The following GALNT2 variants were observed in gnomAD, a reference collection of about 807,000 sequenced individuals.
GALNT2 encodes the protein UDP-GalNAc:polypeptide N-acetylgalactosaminyltransferase 2.
Under a neutral mutation model 81.4 loss-of-function variants are expected in GALNT2, and 31 were observed. The observed-to-expected ratio is 0.38, with a 90% CI of 0.29 to 0.51. GALNT2 has a LOEUF of 0.51. GALNT2 is among the 20% of genes least tolerant of loss of function. The pLI is 0.87. For missense variants in GALNT2, 629 were observed against 765.7 expected, an observed-to-expected ratio of 0.82 and a Z score of 2.11; for synonymous variants, 303 against 287.4, an observed-to-expected ratio of 1.05 and a Z score of -0.55.
intron 14 of GALNT2, among the ~76,000 whole-genome samples, chr1:230,270,128 G>C (rs761320742): frequency 3.3e-5 from 5 of 152,110 alleles, no homozygotes; most frequent in Non-Finnish European, 7.4e-5. Flanking sequence ...TTGAACCCGG[G>C]AGGTGGAGGT....
chr1:230,075,228 C>T (rs533189941), intron 1 of GALNT2, among the ~76,000 whole-genome samples: 14 of 142,546 alleles, frequency 9.8e-5, no homozygotes, highest in Admixed American at 2.4e-4. Context: ...CGGGTTCAAG[C>T]GATTCTTGTG....
chr1:230,242,734 A>G (rs1665238467), intron 6 of GALNT2, among the ~76,000 whole-genome samples: 1 of 152,186 alleles, frequency 6.6e-6, no homozygotes. Context: ...GTCATAATGA[A>G]CGTGCACATT....
intron 1 of GALNT2, among the ~76,000 whole-genome samples, chr1:230,177,315 G>T (rs115325210): frequency 4.6e-5 from 7 of 152,350 alleles, no homozygotes; most frequent in Admixed American, 1.3e-4. Flanking sequence ...TCCCCGCCCC[G>T]CAGGGAGGGA....
At chr1:230,069,299 T>A (rs1390522758) in intron 1 of GALNT2, among the ~76,000 whole-genome samples, 3 of 152,098 alleles carry the variant, frequency 2.0e-5, no homozygotes, top group Non-Finnish European at 2.9e-5. Context: ...TTGTTTTTTT[T>A]AAAGAATTCC....
At chr1:230,097,192 T>G (rs1044664377) in intron 1 of GALNT2, among the ~76,000 whole-genome samples, 5 of 152,250 alleles carry the variant, frequency 3.3e-5, no homozygotes, top group Non-Finnish European at 7.3e-5. Flanking sequence ...GATAGAATAT[T>G]TATCATACTG....
intron 1 of GALNT2, among the ~76,000 whole-genome samples, chr1:230,092,842 G>A (rs1020054850): frequency 6.6e-6 from 1 of 152,134 alleles, no homozygotes; most frequent in Non-Finnish European, 1.5e-5. Flanking sequence ...TCAAATTTAG[G>A]GGGTAGAGGG....
At chr1:230,207,959 G>T (rs2102710849) in intron 3 of GALNT2, among the ~76,000 whole-genome samples, 1 of 152,198 alleles carries the variant, frequency 6.6e-6, no homozygotes, top group East Asian at 1.9e-4. Context: ...TATCTTGGCG[G>T]TACATGTGAG....
chr1:230,225,772 C>T (rs1276504031), intron 3 of GALNT2, among the ~76,000 whole-genome samples: 3 of 151,636 alleles, frequency 2.0e-5, no homozygotes. Flanking sequence ...ATTATGGCTC[C>T]ACATTAGAGA....
At chr1:230,236,812 A>G (rs1391448914) in intron 6 of GALNT2, 87 bp downstream of exon 6, 14 of 1,326,174 alleles carry the variant, frequency 1.1e-5, no homozygotes, top group Non-Finnish European at 1.4e-5. Context: ...CTCAAAGAGC[A>G]ATTAATTGTC....
intron 1 of GALNT2, among the ~76,000 whole-genome samples, chr1:230,122,833 C>T (rs1661059750): frequency 6.6e-6 from 1 of 152,152 alleles, no homozygotes; most frequent in Non-Finnish European, 1.5e-5. Context: ...TATGTCTGCA[C>T]GTACTCCTGG....
intron 7 of GALNT2, among the ~76,000 whole-genome samples, chr1:230,244,502 T>C (rs1665305179): frequency 1.7e-5 from 2 of 120,116 alleles, no homozygotes; most frequent in Admixed American, 9.8e-5. Context: ...AACTTCTTGC[T>C]CTCCCTGGCT....
chr1:230,103,686 GAAA>G (rs1660462307), intron 1 of GALNT2, among the ~76,000 whole-genome samples: 1 of 151,214 alleles, frequency 6.6e-6, no homozygotes, highest in Admixed American at 6.6e-5. Context: ...AACAGAAAAT[GAAA>G]GAACCCATCC....
At chr1:230,199,051 A>C (rs1487730598) in intron 2 of GALNT2, among the ~76,000 whole-genome samples, 1 of 152,246 alleles carries the variant, frequency 6.6e-6, no homozygotes, top group East Asian at 1.9e-4. Context: ...AGCCAAGTCC[A>C]CTTTCCCGAG....
chr1:230,270,581 A>G (rs1666139121), intron 14 of GALNT2, among the ~76,000 whole-genome samples: 1 of 152,244 alleles, frequency 6.6e-6, no homozygotes, highest in South Asian at 2.1e-4. Context: ...TACGGCTCAG[A>G]TATTCCAGCT....
At chr1:230,199,572 A>G (rs1173992272) in intron 2 of GALNT2, among the ~76,000 whole-genome samples, 2 of 152,188 alleles carry the variant, frequency 1.3e-5, no homozygotes, top group Non-Finnish European at 2.9e-5. Flanking sequence ...TTGGGTGTGT[A>G]TGTTTGCATT....
chr1:230,223,377 AGGTT>A (rs1459869811), intron 3 of GALNT2, among the ~76,000 whole-genome samples: 1 of 151,600 alleles, frequency 6.6e-6, no homozygotes, highest in African/African-American at 2.4e-5. Flanking sequence ...ATTTTGTCTT[AGGTT>A]TATCTTTTGT....
intron 1 of GALNT2, among the ~76,000 whole-genome samples, chr1:230,105,223 A>T (rs1460306552): frequency 2.6e-5 from 4 of 152,320 alleles, no homozygotes; most frequent in South Asian, 4.1e-4. Context: ...TCCAGGAGGG[A>T]CAGGGAGTCT....
chr1:230,253,369 C>G lies in GALNT2; in HGVS notation c.1010-1849C>G, dbSNP rs138278641. Among the ~76,000 whole-genome samples the G allele has an allele frequency of 2.6e-5, 4 of 152,238 alleles. No individual in the cohort carries two copies. The East Asian group carries it at 7.7e-4, about 29-fold the overall frequency. On this transcript the variant is annotated intron_variant, in intron 10 of 15. Transcript: ENST00000366672. The stretch of plus-strand genomic sequence containing the variant: ...TGTTCTGACCCCTGTGTTGTATTTC[C>G]TGCCATGTGCCTGGCATTCTGGGCA...
intron 1 of GALNT2, among the ~76,000 whole-genome samples, chr1:230,093,026 A>G (rs1371171789): frequency 6.6e-6 from 1 of 152,130 alleles, no homozygotes; most frequent in Non-Finnish European, 1.5e-5. Context: ...ACCCCCATCT[A>G]TAGGTCAAGA....
Sources: gnomAD v4.1 joint callset for allele counts (sites outside exome capture counted in the v4.1 genomes callset) on GRCh38, gnomAD v4.1.1 for gene constraint, MANE v1.5 for transcripts, NCBI Gene and HGNC (gene_info 2026-07-23, HGNC 2026-07-21) for gene names.